The following NHS variants were observed in gnomAD, a reference collection of about 807,000 sequenced individuals.
The protein encoded by NHS is NHS actin remodeling regulator, also known as actin remodeling regulator NHS.
In NHS, 5 loss-of-function variants were observed where a neutral mutation model predicts 72.5. The observed-to-expected ratio is 0.07, with a 90% CI of 0.04 to 0.14. The LOEUF (loss-of-function observed/expected upper bound fraction) is 0.14, where lower values mean the gene tolerates loss of function less well. Ranked by LOEUF, NHS falls within the 10% of genes least tolerant of loss-of-function variation. NHS has a pLI of 1.00. For synonymous variants in NHS, 464 were observed against 547.7 expected (o/e 0.85, Z 2.13); for missense variants, 1,072 against 1,355.7 (o/e 0.79, Z 3.29).
intron 1 of NHS, among the ~76,000 whole-genome samples, chrX:17,463,582 C>T (rs1800478727): frequency 9.0e-6 from 1 of 111,515 alleles, no homozygotes; most frequent in Non-Finnish European, 1.9e-5. Context: ...GCTGTGGCCT[C>T]TTGTGATCCC....
At chrX:17,466,773 A>G (rs767251173) in intron 1 of NHS, among the ~76,000 whole-genome samples, 4 of 111,766 alleles carry the variant, frequency 3.6e-5, no homozygotes, top group Non-Finnish European at 7.5e-5. Flanking sequence ...CACATATCCA[A>G]CTTTTATGCC....
intron 3 of NHS, among the ~76,000 whole-genome samples, chrX:17,716,901 G>A (rs2066367155): frequency 9.2e-6 from 1 of 109,241 alleles, no homozygotes; most frequent in Non-Finnish European, 1.9e-5. Flanking sequence ...CATGAAGATG[G>A]TAAGTCCCTT....
intron 1 of NHS, among the ~76,000 whole-genome samples, chrX:17,547,850 C>T (rs761926934): frequency 7.8e-4 from 87 of 112,049 alleles, no homozygotes; most frequent in African/African-American, 2.6e-3. Flanking sequence ...CTAGGATGGC[C>T]TCACCTCCAT....
At chrX:17,712,397 T>C (rs1008697441) in intron 3 of NHS, among the ~76,000 whole-genome samples, 6 of 95,601 alleles carry the variant, frequency 6.3e-5, no homozygotes, top group African/African-American at 2.4e-4. Flanking sequence ...CACACACATA[T>C]ATATATATAT....
intron 1 of NHS, among the ~76,000 whole-genome samples, chrX:17,546,522 C>A: frequency 8.9e-6 from 1 of 112,298 alleles, no homozygotes; most frequent in Non-Finnish European, 1.9e-5. Context: ...CCAGAGAAAC[C>A]TCTGAGTATG....
At chrX:17,377,856 G>A (rs963573829) in intron 1 of NHS, among the ~76,000 whole-genome samples, 2 of 112,877 alleles carry the variant, frequency 1.8e-5, no homozygotes, top group African/African-American at 6.4e-5. Context: ...TAGGACTGCC[G>A]TAGGCCAAGT....
At chrX:17,411,488 T>C (rs977458907) in intron 1 of NHS, among the ~76,000 whole-genome samples, 1 of 111,912 alleles carries the variant, frequency 8.9e-6, no homozygotes, top group South Asian at 3.7e-4. Flanking sequence ...TACCGTACTA[T>C]ATTTCATCAC....
At position 17,610,081 on chromosome X, in the gene NHS, A is replaced by C. The variant is rs750118940; in HGVS notation, c.566-77661A>C. Among the ~76,000 whole-genome samples, 17 of 112,054 alleles carry C rather than the reference A, an allele frequency of 1.5e-4. No homozygotes were observed. In the South Asian group the frequency reaches 6.4e-3, roughly 42 times the overall value. On this transcript the variant is annotated intron_variant, in intron 1 of 8. Coordinates refer to ENST00000676302, the MANE Select transcript of NHS (RefSeq NM_001291867.2). The stretch of plus-strand genomic sequence containing the variant: ...CTCTTTCAGTTCTTTCTGAGTTGTT[A>C]ATGATCTCTTATATCCAACTGGCTT...
chrX:17,731,108 A>T (rs1048332683), intron 8 of NHS, among the ~76,000 whole-genome samples: 12 of 111,033 alleles, frequency 1.1e-4, no homozygotes, highest in Non-Finnish European at 2.3e-4. Flanking sequence ...TTGGAAGCCA[A>T]TCCCAGACAT....
rs750725870 is a variant in NHS at position 17,400,414 on chromosome X, C to T, written c.565+24092C>T. ...CAGCCTGGCCAAGATGATGAAACCT[C>T]GTCTCTACTAAAAATACAAAAATTA... On this transcript the variant is annotated intron_variant, in intron 1 of 8. Coordinates refer to ENST00000676302, the MANE Select transcript of NHS (RefSeq NM_001291867.2). 5.4e-5 allele frequency among the ~76,000 whole-genome samples: 6 copies of T among 110,928 alleles called. No homozygotes were observed. In the South Asian group the frequency reaches 1.9e-3, roughly 35 times the overall value.
At chrX:17,713,010 A>T (rs1158982088) in intron 3 of NHS, among the ~76,000 whole-genome samples, 1 of 111,543 alleles carries the variant, frequency 9.0e-6, no homozygotes, top group Non-Finnish European at 1.9e-5. Flanking sequence ...AGGAGAGGGG[A>T]AGAGGGAAGC....
At chrX:17,498,380 C>T (rs1018977579) in intron 1 of NHS, among the ~76,000 whole-genome samples, 3 of 111,054 alleles carry the variant, frequency 2.7e-5, no homozygotes, top group Non-Finnish European at 3.8e-5. Flanking sequence ...TCTGATTTAT[C>T]CCCTGGTAAA....
intron 1 of NHS, among the ~76,000 whole-genome samples, chrX:17,380,513 A>T (rs774103072): frequency 9.1e-6 from 1 of 109,833 alleles, no homozygotes; most frequent in East Asian, 2.9e-4. Context: ...CCACTACGCT[A>T]GGCTAATTTT....
intron 1 of NHS, among the ~76,000 whole-genome samples, chrX:17,478,471 T>C (rs763286921): frequency 7.1e-5 from 8 of 111,923 alleles, no homozygotes; most frequent in Non-Finnish European, 1.1e-4. Flanking sequence ...AATGGTATTA[T>C]AGATGTGGTG....
chrX:17,375,960 C>A lies in NHS; in HGVS notation c.203C>A (p.Pro68Gln). The A allele has an allele frequency of 9.3e-7, 1 of 1,075,470 alleles. No homozygotes were observed. The highest frequency in any genetic ancestry group is 4.2e-5 in the East Asian group (1 of 23,845). 88.6% of individuals were successfully genotyped at this position (1,075,470 alleles called of 1,213,427 possible). Reference protein sequence around the residue: ...ARAVPAPSGLPPPPPPLPAPA... With the variant: ...ARAVPAPSGLQPPPPPLPAPA... ...GCCGTCCCTGCACCTTCAGGGCTGC[C>A]ACCGCCGCCGCCGCCACTGCCCGCG... The change falls in exon 1 of 9, where the codon CCA becomes CAA. Residue 68 changes from proline to glutamine, a missense_variant. By Grantham distance (76) the Pro-to-Gln change is moderately conservative. Coordinates refer to ENST00000676302, the MANE Select transcript of NHS (RefSeq NM_001291867.2).
intron 1 of NHS, among the ~76,000 whole-genome samples, chrX:17,632,608 CA>C (rs36089128): frequency 0.25 from 26,834 of 106,006 alleles, 6,377 homozygotes; most frequent in African/African-American, 0.72. Flanking sequence ...AAAACAAAAA[CA>C]AAAAAAAACG....
At chrX:17,642,701 G>A (rs2065888028) in intron 1 of NHS, among the ~76,000 whole-genome samples, 1 of 112,007 alleles carries the variant, frequency 8.9e-6, no homozygotes, top group Admixed American at 9.4e-5. Context: ...GGATATTCGA[G>A]TGAAGATGTA....
rs182208286 is a variant in NHS at position 17,631,512 on chromosome X, C to G, written c.566-56230C>G. On this transcript the variant is annotated intron_variant, in intron 1 of 8. Transcript: ENST00000676302. ...TATGAATAGGTTCTCATGAAAGACA[C>G]AATTCTAGGGATTTTTAAGCAAATG... is the stretch of plus-strand genomic sequence containing the variant. Among the ~76,000 whole-genome samples the G allele has an allele frequency of 6.5e-4, 73 of 111,718 alleles. No homozygotes were observed. In the Middle Eastern group the frequency reaches 0.014, roughly 21 times the overall value.
chrX:17,687,794 G>A lies in NHS; in HGVS notation c.618G>A (p.Pro206=), dbSNP rs200952266. The change falls in exon 2 of 9, where the codon CCG becomes CCA. Residue 206 remains proline (P), a synonymous_variant. Transcript: ENST00000676302. ...ESKLSVYYRA[P]WHQQRNIFLP... ...AGCTGAGTGTGTACTACCGCGCCCC[G>A]TGGCACCAGCAGCGCAACATCTTCC... The A allele has an allele frequency of 1.0e-4, 127 of 1,210,246 alleles. No homozygotes were observed. Among genetic ancestry groups the A allele is most frequent in the Middle Eastern group, 2.3e-4 (1 of 4,354 alleles).
Sources: gnomAD v4.1 joint callset for allele counts (sites outside exome capture counted in the v4.1 genomes callset) on GRCh38, gnomAD v4.1.1 for gene constraint, MANE v1.5 for transcripts, NCBI Gene and HGNC (gene_info 2026-07-23, HGNC 2026-07-21) for gene names.